The following SKIC8 variants were observed in gnomAD, a reference collection of about 807,000 sequenced individuals.
SKIC8 encodes superkiller complex protein 8.
chr15:78,288,340 G>A, the SKIC8 span: 1 of 1,613,922 alleles, frequency 6.2e-7, no homozygotes, highest in East Asian at 2.2e-5. Flanking sequence ...AAGGAGCTGG[G>A]AGTCCGGGGA....
chr15:78,294,897 A>G, the SKIC8 span: 1 of 1,613,168 alleles, frequency 6.2e-7, no homozygotes, highest in African/African-American at 1.3e-5. Context: ...AACCAGGGAC[A>G]ACACAGTTTT....
the SKIC8 span, chr15:78,291,125 T>A: frequency 7.9e-5 from 12 of 152,202 alleles, no homozygotes; most frequent in African/African-American, 2.9e-4. Context: ...TTTAAAACTT[T>A]GCCACACTTG....
the SKIC8 span, among the ~76,000 whole-genome samples, chr15:78,287,900 T>C: frequency 6.6e-6 from 1 of 152,300 alleles, no homozygotes; most frequent in East Asian, 1.9e-4. Context: ...GCATGTCTGC[T>C]AGAACAGCCC....
the SKIC8 span, chr15:78,292,460 C>A: frequency 1.3e-6 from 1 of 751,046 alleles, no homozygotes; most frequent in Non-Finnish European, 2.2e-6. Flanking sequence ...CTGTTTCCAG[C>A]CCCACTGAGG....
At chr15:78,288,139 G>A in the SKIC8 span, 63,110 of 660,376 alleles carry the variant, frequency 0.096, 3,295 homozygotes, top group East Asian at 0.13. Context: ...AAAAATGGGC[G>A]CTGAACGGGG....
chr15:78,290,241 A>G, the SKIC8 span: 1 of 871,272 alleles, frequency 1.1e-6, no homozygotes, highest in Non-Finnish European at 1.7e-6. Context: ...TAAAGATGCT[A>G]ATTCTTTATC....
At chr15:78,298,484 A>G in the SKIC8 span, among the ~76,000 whole-genome samples, 1 of 152,344 alleles carries the variant, frequency 6.6e-6, no homozygotes, top group East Asian at 1.9e-4. Context: ...AGGTGAGTAG[A>G]GTGCAGTAAG....
At chr15:78,290,009 C>T in the SKIC8 span, 2 of 1,614,162 alleles carry the variant, frequency 1.2e-6, no homozygotes, top group Non-Finnish European at 1.7e-6. Flanking sequence ...CTTTTTCCCA[C>T]TTTCCACACC....
the SKIC8 span, chr15:78,293,058 TG>T: frequency 1.0e-6 from 1 of 1,002,504 alleles, no homozygotes; most frequent in Non-Finnish European, 1.5e-6. Context: ...ATATTGCTAT[TG>T]CTTTCTTGCC....
chr15:78,285,355 A>G, the SKIC8 span: 14 of 1,612,940 alleles, frequency 8.7e-6, no homozygotes, highest in African/African-American at 1.6e-4. Context: ...TTAAAAAGTG[A>G]ACATTAGTAT....
the SKIC8 span, among the ~76,000 whole-genome samples, chr15:78,296,691 T>TG: frequency 6.6e-6 from 1 of 152,138 alleles, no homozygotes; most frequent in African/African-American, 2.4e-5. Context: ...TTTGTAGAGA[T>TG]GGGGTCTCCC....
the SKIC8 span, chr15:78,295,759 G>T: frequency 2.0e-6 from 3 of 1,495,550 alleles, no homozygotes; most frequent in African/African-American, 1.4e-5. Context: ...CAGTGAGGGG[G>T]TGTCATCAGG....
chr15:78,298,794 T>C, the SKIC8 span, among the ~76,000 whole-genome samples: 1 of 152,112 alleles, frequency 6.6e-6, no homozygotes, highest in Non-Finnish European at 1.5e-5. Flanking sequence ...ACCCCGCAGA[T>C]AAGGGGGGAA....
the SKIC8 span, chr15:78,295,087 C>T: frequency 7.9e-7 from 1 of 1,260,100 alleles, no homozygotes; most frequent in Non-Finnish European, 1.1e-6. Context: ...TTAGTTACTT[C>T]CTCTGCTGTC....
the SKIC8 span, among the ~76,000 whole-genome samples, chr15:78,296,517 C>CT: frequency 8.0e-5 from 12 of 149,366 alleles, no homozygotes; most frequent in Middle Eastern, 3.4e-3. Context: ...CTTTGGCGGA[C>CT]TTTTTTTTTT....
chr15:78,288,527 G>C, the SKIC8 span: 1 of 745,394 alleles, frequency 1.3e-6, no homozygotes, highest in Non-Finnish European at 2.2e-6. Flanking sequence ...GTTCTGATTG[G>C]GCCTTTCCTC....
the SKIC8 span, chr15:78,290,872 T>A: frequency 6.6e-6 from 1 of 151,904 alleles, no homozygotes; most frequent in African/African-American, 2.4e-5. Flanking sequence ...TACGGTGGCA[T>A]AATCTCGAGT....
the SKIC8 span, among the ~76,000 whole-genome samples, chr15:78,291,587 G>A: frequency 6.6e-6 from 1 of 152,118 alleles, no homozygotes; most frequent in African/African-American, 2.4e-5. Flanking sequence ...GAGCTCCAGT[G>A]GTAAGAATTA....
chr15:78,295,047 C>A, the SKIC8 span: 2 of 1,569,318 alleles, frequency 1.3e-6, no homozygotes, highest in South Asian at 1.1e-5. Flanking sequence ...AGAAAGCACT[C>A]CTCCCCGAGT....
Sources: allele counts gnomAD v4.1 joint callset (sites outside exome capture counted in the v4.1 genomes callset), GRCh38; gene constraint gnomAD v4.1.1; transcripts MANE v1.5; gene names NCBI Gene and HGNC (gene_info 2026-07-23, HGNC 2026-07-21).